The following ANO3 variants were observed in gnomAD, a reference collection of about 807,000 sequenced individuals.
The protein encoded by ANO3 is anoctamin 3.
Under a neutral mutation model 144.8 loss-of-function variants are expected in ANO3, and 99 were observed. That is an observed-to-expected ratio of 0.68 (90% CI 0.58 to 0.81). ANO3 has a LOEUF of 0.81. Among genes scored for constraint, ANO3 ranks in the 30% least tolerant of loss-of-function variants. The pLI, the probability that ANO3 is intolerant of heterozygous loss-of-function variation, is 0.00. For missense variants in ANO3, 905 were observed against 1,202.2 expected (o/e 0.75, Z 3.66); for synonymous variants, 414 against 392.6 (o/e 1.05, Z -0.64).
At chr11:26,348,252 A>T (rs1855545707) in intron 1 of ANO3, among the ~76,000 whole-genome samples, 1 of 152,220 alleles carries the variant, frequency 6.6e-6, no homozygotes, top group African/African-American at 2.4e-5. Flanking sequence ...ATAATTAAGC[A>T]TAACTTATAA....
intron 1 of ANO3, among the ~76,000 whole-genome samples, chr11:26,361,478 A>G (rs1855923797): frequency 6.6e-6 from 1 of 152,200 alleles, no homozygotes; most frequent in Non-Finnish European, 1.5e-5. Flanking sequence ...TGATGTAATT[A>G]TCAGGATTTA....
intron 1 of ANO3, among the ~76,000 whole-genome samples, chr11:26,387,713 T>C (rs1856772355): frequency 6.6e-6 from 1 of 152,152 alleles, no homozygotes; most frequent in African/African-American, 2.4e-5. Context: ...GGGTTATCTT[T>C]TTATGCACAT....
intron 1 of ANO3, among the ~76,000 whole-genome samples, chr11:26,341,351 A>G (rs984265514): frequency 2.0e-5 from 3 of 152,212 alleles, no homozygotes; most frequent in Non-Finnish European, 4.4e-5. Context: ...TGTGTGAAAT[A>G]AAAGATATTA....
chr11:26,570,429 C>T (rs1405012789), intron 14 of ANO3, among the ~76,000 whole-genome samples: 1 of 152,072 alleles, frequency 6.6e-6, no homozygotes, highest in East Asian at 1.9e-4. Flanking sequence ...CTGTTGAAAT[C>T]GTGGGTCATA....
At chr11:26,570,394 A>G (rs1279556342) in intron 14 of ANO3, among the ~76,000 whole-genome samples, 1 of 152,074 alleles carries the variant, frequency 6.6e-6, no homozygotes, top group Non-Finnish European at 1.5e-5. Context: ...TTAAATGCAT[A>G]AAGTCATTAT....
rs111779336 is a variant in ANO3 at position 26,638,050 on chromosome 11, C to T, written c.2044-1094C>T. 5.5e-3 allele frequency among the ~76,000 whole-genome samples: 833 copies of T among 152,126 alleles called. 8 individuals carry two copies. Among genetic ancestry groups the T allele is most frequent in the African/African-American group, 0.018 (736 of 41,488 alleles). Reference sequence around the variant, plus strand: ...ATCTAAAAAAGCAGAAAAGCACAGACGAAAGAATAGGATCATACTGATGAA... The same window carrying T: ...ATCTAAAAAAGCAGAAAAGCACAGATGAAAGAATAGGATCATACTGATGAA... On this transcript the variant is annotated intron_variant, in intron 20 of 26. Coordinates refer to ENST00000256737, the MANE Select transcript of ANO3 (RefSeq NM_031418.4).
At chr11:26,424,591 T>C (rs1857864986) in intron 1 of ANO3, among the ~76,000 whole-genome samples, 1 of 152,062 alleles carries the variant, frequency 6.6e-6, no homozygotes, top group Non-Finnish European at 1.5e-5. Flanking sequence ...AAACTCCATA[T>C]ATTTTTACTT....
intron 1 of ANO3, among the ~76,000 whole-genome samples, chr11:26,378,914 G>A (rs532123172): frequency 1.1e-4 from 16 of 144,738 alleles, no homozygotes; most frequent in East Asian, 6.3e-4. Context: ...AAGATTCTGA[G>A]ATTTAAAGAA....
chr11:26,339,996 A>G (rs148792712), intron 1 of ANO3, among the ~76,000 whole-genome samples: 1 of 152,264 alleles, frequency 6.6e-6, no homozygotes, highest in African/African-American at 2.4e-5. Flanking sequence ...CACTATAACC[A>G]AGATGCGGTT....
chr11:26,329,632 G>GA (rs138569772), upstream of ANO3, among the ~76,000 whole-genome samples: 11,047 of 151,996 alleles, frequency 0.073, 527 homozygotes, highest in Non-Finnish European at 0.1. Flanking sequence ...TCTTTCCTTG[G>GA]AAAAAAATCC....
chr11:26,400,737 A>G (rs1023157106), intron 1 of ANO3, among the ~76,000 whole-genome samples: 1 of 151,660 alleles, frequency 6.6e-6, no homozygotes, highest in Non-Finnish European at 1.5e-5. Context: ...TGTATATATT[A>G]AACAATTAAA....
chr11:26,331,180 T>C (rs1392914552), upstream of ANO3, among the ~76,000 whole-genome samples: 1 of 151,962 alleles, frequency 6.6e-6, no homozygotes, highest in East Asian at 1.9e-4. Context: ...CTGGGGCCTG[T>C]TGGAGGGGGA....
chr11:26,391,549 A>G (rs1019927374), intron 1 of ANO3, among the ~76,000 whole-genome samples: 3 of 152,020 alleles, frequency 2.0e-5, no homozygotes, highest in Admixed American at 6.6e-5. Flanking sequence ...TATTACTTTT[A>G]TATGATAGCA....
At chr11:26,543,031 C>G (rs1480013348) in intron 11 of ANO3, among the ~76,000 whole-genome samples, 2 of 152,010 alleles carry the variant, frequency 1.3e-5, no homozygotes, top group Non-Finnish European at 2.9e-5. Context: ...AAGCCAGGGT[C>G]AAGGGAGACA....
chr11:26,513,267 G>A (rs1861735431), intron 5 of ANO3, among the ~76,000 whole-genome samples: 1 of 152,080 alleles, frequency 6.6e-6, no homozygotes, highest in Non-Finnish European at 1.5e-5. Flanking sequence ...TCTAAGAAAT[G>A]GCATGACCCG....
intron 1 of ANO3, among the ~76,000 whole-genome samples, chr11:26,215,246 A>G (rs1590197631): frequency 6.6e-6 from 1 of 152,034 alleles, no homozygotes; most frequent in Non-Finnish European, 1.5e-5. Flanking sequence ...GTAGCAAGAG[A>G]AAATTTTGAA....
At position 26,219,697 on chromosome 11, in the gene ANO3, C is replaced by T. The variant is rs112969330; in HGVS notation, c.154+30367C>T. ...CTAACGAAAGCTCAGAGTACATTCT[C>T]ATGAGTCTGGTGAGACAGAACCCTC... is the stretch of plus-strand genomic sequence containing the variant. On this transcript the variant is annotated intron_variant, in intron 1 of 27. Transcript: ENST00000672621. Among the ~76,000 whole-genome samples the T allele has an allele frequency of 6.9e-3, 1,057 of 152,260 alleles. 8 individuals carry two copies. The highest frequency in any genetic ancestry group is 0.012 in the Non-Finnish European group (829 of 68,016).
At chr11:26,562,942 A>T in intron 14 of ANO3, 1 of 860,530 alleles carries the variant, frequency 1.2e-6, no homozygotes, top group Non-Finnish European at 1.6e-6. Context: ...TCACAGGTCT[A>T]TAATTATTTT....
At chr11:26,468,520 C>T (rs185033498) in intron 4 of ANO3, among the ~76,000 whole-genome samples, 1 of 151,940 alleles carries the variant, frequency 6.6e-6, no homozygotes, top group Non-Finnish European at 1.5e-5. Flanking sequence ...ATCTTTATCT[C>T]AATGAGTATT....
Sources: allele counts gnomAD v4.1 joint callset (sites outside exome capture counted in the v4.1 genomes callset), GRCh38; gene constraint gnomAD v4.1.1; transcripts MANE v1.5; gene names NCBI Gene and HGNC (gene_info 2026-07-23, HGNC 2026-07-21).